Variants in ZEB1 observed in about 807,000 individuals in gnomAD.
The protein encoded by ZEB1 is zinc finger E-box-binding homeobox 1.
In ZEB1, 21 loss-of-function variants were observed where a neutral mutation model predicts 84.9. That is an observed-to-expected ratio of 0.25 (90% CI 0.18 to 0.36). The LOEUF (loss-of-function observed/expected upper bound fraction) is 0.36, where lower values mean the gene tolerates loss of function less well. ZEB1 is among the 10% of genes least tolerant of loss of function. The pLI, the probability that ZEB1 is intolerant of heterozygous loss-of-function variation, is 1.00. For synonymous variants in ZEB1, 420 were observed against 471.1 expected (o/e 0.89, Z 1.41); for missense variants, 1,104 against 1,330.2 (o/e 0.83, Z 2.65).
chr10:31,368,778 G>A (rs75260383), intron 1 of ZEB1, among the ~76,000 whole-genome samples: 1,931 of 152,242 alleles, frequency 0.013, 31 homozygotes, highest in African/African-American at 0.044. Flanking sequence ...CATAGACTAT[G>A]GGAAGTGGAG....
chr10:31,456,907 G>A (rs1467510744), intron 1 of ZEB1, among the ~76,000 whole-genome samples: 1 of 152,000 alleles, frequency 6.6e-6, no homozygotes, highest in Non-Finnish European at 1.5e-5. Flanking sequence ...TGCTGTGTCT[G>A]GCATTAAATA....
At chr10:31,361,151 C>CA in intron 1 of ZEB1, 1 of 1,611,986 alleles carries the variant, frequency 6.2e-7, no homozygotes, top group Non-Finnish European at 8.5e-7. Context: ...GAGTGGCAAC[C>CA]AGAACCTCTT....
chr10:31,374,633 G>T (rs917873279), intron 1 of ZEB1, among the ~76,000 whole-genome samples: 1 of 151,764 alleles, frequency 6.6e-6, no homozygotes, highest in Non-Finnish European at 1.5e-5. Flanking sequence ...AATAAAGTTA[G>T]TGTATAAATA....
At chr10:31,402,810 AC>A (rs2052316390) in intron 1 of ZEB1, among the ~76,000 whole-genome samples, 1 of 152,132 alleles carries the variant, frequency 6.6e-6, no homozygotes, top group African/African-American at 2.4e-5. Flanking sequence ...CGGAAGTGCC[AC>A]AACTGCCATC....
chr10:31,327,099 C>CTTTTTTTTTTT (rs71527629), intron 1 of ZEB1, among the ~76,000 whole-genome samples: 107 of 84,920 alleles, frequency 1.3e-3, no homozygotes, highest in East Asian at 4.5e-3. Flanking sequence ...CTTTTCTTTT[C>CTTTTTTTTTTT]TTTTTTTTTT....
chr10:31,441,055 A>G (rs1252757033), intron 1 of ZEB1, among the ~76,000 whole-genome samples: 4 of 152,246 alleles, frequency 2.6e-5, no homozygotes, highest in East Asian at 3.9e-4. Flanking sequence ...GGAAAAAACT[A>G]CTTTAAAGTT....
At chr10:31,327,797 G>A (rs983705617) in intron 1 of ZEB1, among the ~76,000 whole-genome samples, 7 of 152,078 alleles carry the variant, frequency 4.6e-5, no homozygotes, top group Admixed American at 3.3e-4. Flanking sequence ...ATTTTCTCAC[G>A]TTTTTGCCAG....
chr10:31,359,682 A>G (rs1034699872), intron 1 of ZEB1, among the ~76,000 whole-genome samples: 1 of 152,226 alleles, frequency 6.6e-6, no homozygotes, highest in Non-Finnish European at 1.5e-5. Context: ...AAAGTACAAA[A>G]TGATACCATA....
At chr10:31,413,104 T>G (rs904246381) in intron 1 of ZEB1, among the ~76,000 whole-genome samples, 6 of 152,118 alleles carry the variant, frequency 3.9e-5, no homozygotes, top group Non-Finnish European at 7.4e-5. Flanking sequence ...ATTAGAAGCA[T>G]TAGTTCTACA....
intron 1 of ZEB1, among the ~76,000 whole-genome samples, chr10:31,380,700 A>G (rs1315881479): frequency 6.6e-6 from 1 of 152,182 alleles, no homozygotes; most frequent in Non-Finnish European, 1.5e-5. Context: ...GAAACAATGT[A>G]TACTGGAAAG....
rs778355622 is a variant in ZEB1 at position 31,319,279 on chromosome 10, G to A, written c.45G>A (p.Pro15=). 4.3e-6 allele frequency: 7 copies of A among 1,609,500 alleles called. No individual in the cohort carries two copies. Among genetic ancestry groups the A allele is most frequent in the Non-Finnish European group, 5.9e-6 (7 of 1,178,484 alleles). ...GTAAGCGCAGAAAGCAGGCGAACCC[G>A]CGGCGCAATAACGGTGAGTGGCGGA... ...PRCKRRKQAN[P]RRNNVTNYNT... Residue 15 remains proline (P), a synonymous_variant, in exon 1 of 9, where the codon CCG becomes CCA. Transcript: ENST00000424869.
chr10:31,463,759 A>T (rs1052386403), intron 2 of ZEB1, among the ~76,000 whole-genome samples: 1 of 152,196 alleles, frequency 6.6e-6, no homozygotes, highest in Non-Finnish European at 1.5e-5. Context: ...GCCATATTTG[A>T]GTTTAAAGTG....
At chr10:31,334,103 T>C (rs2037451544) in intron 1 of ZEB1, among the ~76,000 whole-genome samples, 1 of 152,006 alleles carries the variant, frequency 6.6e-6, no homozygotes, top group Non-Finnish European at 1.5e-5. Flanking sequence ...TTTAAAATAA[T>C]CTCTGTTAAT....
intron 1 of ZEB1, among the ~76,000 whole-genome samples, chr10:31,371,907 GATT>G (rs764522866): frequency 6.6e-5 from 10 of 152,050 alleles, no homozygotes; most frequent in Non-Finnish European, 1.0e-4. Context: ...ATCATAAGTG[GATT>G]ATTCACTTTA....
rs570610380 is a variant in ZEB1 at position 31,337,307 on chromosome 10, G to T, written c.58+18015G>T. On this transcript the variant is annotated intron_variant, in intron 1 of 8. Coordinates refer to ENST00000424869, the MANE Select transcript of ZEB1 (RefSeq NM_001174096.2). ...TATGATAAACATAAAATTTAGGAAT[G>T]AGTGAATTTGGACACAGAGTAGATA... Among the ~76,000 whole-genome samples the T allele has an allele frequency of 1.3e-4, 20 of 152,092 alleles. No individual in the cohort carries two copies. The Middle Eastern group carries it at 0.01, about 78-fold the overall frequency.
At chr10:31,503,566 TC>T (rs1243730900) in intron 4 of ZEB1, among the ~76,000 whole-genome samples, 2 of 152,070 alleles carry the variant, frequency 1.3e-5, no homozygotes, top group African/African-American at 4.8e-5. Context: ...TATACCAACT[TC>T]CTTTGGATAA....
chr10:31,354,646 A>C (rs2041845071), intron 1 of ZEB1, among the ~76,000 whole-genome samples: 1 of 152,116 alleles, frequency 6.6e-6, no homozygotes, highest in Admixed American at 6.5e-5. Flanking sequence ...TTTTTTTACT[A>C]ATTATATTAC....
intron 1 of ZEB1, among the ~76,000 whole-genome samples, chr10:31,458,185 A>G (rs904173655): frequency 1.3e-5 from 2 of 152,158 alleles, no homozygotes; most frequent in East Asian, 3.9e-4. Context: ...ACCATGTTCT[A>G]ATTTTAGCTT....
chr10:31,467,082 G>A (rs2062526968), intron 2 of ZEB1, among the ~76,000 whole-genome samples: 1 of 152,124 alleles, frequency 6.6e-6, no homozygotes, highest in African/African-American at 2.4e-5. Flanking sequence ...AAGCAACACT[G>A]CTGGCTCAGT....
Sources: gnomAD v4.1 joint callset for allele counts (sites outside exome capture counted in the v4.1 genomes callset) on GRCh38, gnomAD v4.1.1 for gene constraint, MANE v1.5 for transcripts, NCBI Gene and HGNC (gene_info 2026-07-23, HGNC 2026-07-21) for gene names.